Variants in RDH13 observed in about 807,000 individuals in gnomAD.
RDH13 encodes retinol dehydrogenase 13, also known as retinol dehydrogenase 13 (all-trans and 9-cis).
Under a neutral mutation model 28.3 loss-of-function variants are expected in RDH13, and 35 were observed. The observed-to-expected ratio is 1.24, with a 90% CI of 0.95 to 1.64. The LOEUF is 1.64. RDH13 is among the 40% of genes most tolerant of loss of function. The pLI is 0.00. For synonymous variants in RDH13, 229 were observed against 198.5 expected, an observed-to-expected ratio of 1.15 and a Z score of -1.29; for missense variants, 514 against 446.3, an observed-to-expected ratio of 1.15 and a Z score of -1.37.
At chr19:55,042,243 G>A (rs796286203), downstream of RDH13, 60 of 151,780 alleles carry the variant, frequency 4.0e-4, no homozygotes, top group African/African-American at 1.4e-3. Context: ...AACATCCTCC[G>A]TCCCACGCAA....
upstream of RDH13, chr19:55,067,688 CT>C (rs778687098): frequency 1.8e-4 from 28 of 152,174 alleles, no homozygotes; most frequent in Non-Finnish European, 3.7e-4. Context: ...AGAATTTCTT[CT>C]TTTCTGGCTG....
At chr19:55,041,246 T>A (rs903355725), downstream of RDH13, 4 of 152,338 alleles carry the variant, frequency 2.6e-5, no homozygotes, top group Non-Finnish European at 5.9e-5. Flanking sequence ...CCCAAAGTGC[T>A]GGGATTACAA....
At chr19:55,060,382 G>A (rs936912963) in intron 1 of RDH13, among the ~76,000 whole-genome samples, 4 of 152,138 alleles carry the variant, frequency 2.6e-5, no homozygotes, top group African/African-American at 7.2e-5. Context: ...CTACGTGCAC[G>A]TCCAGGCATA....
Position 55,050,543 on chromosome 19 carries a change from C to G in RDH13, c.341-1780G>C, listed in dbSNP as rs184554859. The stretch of plus-strand genomic sequence containing the variant: ...GGCTCAAGCAGTCTTCTTGCTCAGC[C>G]TCCCAAGTAGCTGGGGCCACAGGCA... On this transcript the variant is annotated intron_variant, in intron 3 of 6. Coordinates refer to ENST00000415061, the MANE Select transcript of RDH13 (RefSeq NM_001145971.2). 3.3e-5 allele frequency among the ~76,000 whole-genome samples: 5 copies of G among 152,312 alleles called. No individual in the cohort carries two copies. In the East Asian group the frequency reaches 9.6e-4, roughly 29 times the overall value.
At chr19:55,057,799 TTTTG>T (rs1376309077) in intron 2 of RDH13, among the ~76,000 whole-genome samples, 175 of 135,944 alleles carry the variant, frequency 1.3e-3, no homozygotes, top group African/African-American at 4.6e-3. Flanking sequence ...CCCCTTTTCT[TTTTG>T]TTTATTATTA....
intron 1 of RDH13, 62 bp downstream of exon 1, chr19:55,062,906 C>A: frequency 7.5e-7 from 1 of 1,334,236 alleles, no homozygotes; most frequent in Admixed American, 3.7e-5. Flanking sequence ...TCTCCGCCGC[C>A]TTCCCGGCCC....
At chr19:55,050,945 C>G (rs901377332) in intron 3 of RDH13, 3 of 151,560 alleles carry the variant, frequency 2.0e-5, no homozygotes, top group African/African-American at 7.3e-5. Context: ...TGGCTCCACC[C>G]CGACCAGCTG....
At chr19:55,052,095 G>C (rs1392621442) in intron 3 of RDH13, among the ~76,000 whole-genome samples, 1 of 139,874 alleles carries the variant, frequency 7.1e-6, no homozygotes, top group Non-Finnish European at 1.5e-5. Flanking sequence ...TTGGACACAG[G>C]GTCTCACCCC....
At chr19:55,055,582 G>A (rs2075604730) in intron 3 of RDH13, among the ~76,000 whole-genome samples, 1 of 151,768 alleles carries the variant, frequency 6.6e-6, no homozygotes, top group Non-Finnish European at 1.5e-5. Context: ...GCTCACGCCT[G>A]TAATCCCAGC....
chr19:55,059,875 A>G (rs1341834354), intron 1 of RDH13, among the ~76,000 whole-genome samples: 1 of 152,222 alleles, frequency 6.6e-6, no homozygotes, highest in Non-Finnish European at 1.5e-5. Flanking sequence ...TATGAAATCA[A>G]GGTTTAAGGG....
chr19:55,047,521 G>A (rs762966997), intron 5 of RDH13, 33 bp from the exon 6 acceptor site: 27 of 1,580,148 alleles, frequency 1.7e-5, no homozygotes, highest in Non-Finnish European at 2.2e-5. Flanking sequence ...ACTGAGGGAG[G>A]GGTCCAGCCT....
At chr19:55,054,735 A>ATTTTTTT (rs61279685) in intron 3 of RDH13, among the ~76,000 whole-genome samples, 1 of 147,626 alleles carries the variant, frequency 6.8e-6, no homozygotes, top group Non-Finnish European at 1.5e-5. Flanking sequence ...TGCCCGGCTA[A>ATTTTTTT]TTTTTTTTTT....
At chr19:55,048,079 A>G (rs2075296646) in intron 5 of RDH13, 18 of 1,494,630 alleles carry the variant, frequency 1.2e-5, no homozygotes, top group Non-Finnish European at 1.5e-5. Flanking sequence ...TGCCTGCCCA[A>G]CAGCAGCAGG....
intron 3 of RDH13, among the ~76,000 whole-genome samples, chr19:55,055,836 G>A (rs1044175364): frequency 1.3e-5 from 2 of 152,146 alleles, no homozygotes; most frequent in East Asian, 1.9e-4. Flanking sequence ...CTGGGTGACA[G>A]AGATGGATCC....
In RDH13 at chr19:55,056,752, C is replaced by T. The variant is rs2075649471; in HGVS notation, c.241G>A (p.Asp81Asn). 1.2e-6 allele frequency: 2 copies of T among 1,614,090 alleles called. No homozygotes were observed. Among genetic ancestry groups the T allele is most frequent in the Non-Finnish European group, 8.5e-7 (1 of 1,180,024 alleles). The part of the protein sequence containing the change: ...DMEKCEAAAK[D>N]IRGETLNHHV... ...TGATTGAGGGTCTCCCCGCGGATGTCCTTTGCTGCCGCCTCACACTTCTCC... is the reference window on the plus strand; with the variant it reads ...TGATTGAGGGTCTCCCCGCGGATGTTCTTTGCTGCCGCCTCACACTTCTCC... Residue 81 changes from aspartate to asparagine, a missense_variant, in exon 3 of 7, where the codon GAC becomes AAC. Physicochemically the swap from Asp to Asn is conservative, Grantham distance 23. Transcript: ENST00000415061.
chr19:55,044,924 G>T lies in RDH13; in HGVS notation c.*150C>A, dbSNP rs1025630112. On this transcript the variant is annotated 3_prime_UTR_variant, in exon 7 of 7. Coordinates refer to ENST00000415061, the MANE Select transcript of RDH13 (RefSeq NM_001145971.2). ...GCTCACCTGCAGGCCAGTCCACTGC[G>T]GCCAGCACCGCCCCCTAGAACCTAC... 1 of 616,254 alleles carries T rather than the reference G, an allele frequency of 1.6e-6. No individual in the cohort carries two copies. Among genetic ancestry groups the T allele is most frequent in the Non-Finnish European group, 2.8e-6 (1 of 353,066 alleles). 38.2% of individuals were successfully genotyped at this position (616,254 alleles called of 1,614,324 possible). A position where few individuals can be genotyped will look rare whatever the true frequency, so the allele number is the denominator to read the frequency against.
chr19:55,068,143 C>A (rs1325823008), upstream of RDH13, among the ~76,000 whole-genome samples: 1 of 149,334 alleles, frequency 6.7e-6, no homozygotes, highest in African/African-American at 2.5e-5. Flanking sequence ...CTCTCTTTCT[C>A]CCTGTCTCTC....
rs374868677 is a variant in RDH13 at position 55,047,492 on chromosome 19, G to A, written c.659-4C>T. On this transcript the variant is annotated splice_polypyrimidine_tract_variant and splice_region_variant and intron_variant, in intron 5 of 6. Coordinates refer to ENST00000415061, the MANE Select transcript of RDH13 (RefSeq NM_001145971.2). ...GCGTTGACAGTCACACCAGAGCCTG[G>A]GGAAGAAAGAAAGAGAAGACTGAGG... 6.2e-7 allele frequency: 1 copy of A among 1,603,444 alleles called. No homozygotes were observed. Among genetic ancestry groups the A allele is most frequent in the Admixed American group, 1.7e-5 (1 of 59,600 alleles).
intron 6 of RDH13, among the ~76,000 whole-genome samples, chr19:55,045,716 C>G (rs1317301830): frequency 6.6e-6 from 1 of 151,986 alleles, no homozygotes; most frequent in East Asian, 1.9e-4. Flanking sequence ...GAGGCCGAGG[C>G]GGGCGGATTA....
Sources: gnomAD v4.1 joint callset for allele counts (sites outside exome capture counted in the v4.1 genomes callset) on GRCh38, gnomAD v4.1.1 for gene constraint, MANE v1.5 for transcripts, NCBI Gene and HGNC (gene_info 2026-07-23, HGNC 2026-07-21) for gene names.